TTC28: variants seen among roughly 807,000 people sequenced by gnomAD.
TTC28 encodes tetratricopeptide repeat domain 28, also known as tetratricopeptide repeat protein 28.
A neutral mutation model predicts 198.0 loss-of-function variants in TTC28; 61 were observed. That is an observed-to-expected ratio of 0.31 (90% CI 0.25 to 0.38). The LOEUF is 0.38. Among genes scored for constraint, TTC28 ranks in the 10% least tolerant of loss-of-function variants. The pLI, the probability that TTC28 is intolerant of heterozygous loss-of-function variation, is 1.00. For synonymous variants in TTC28, 1,171 were observed against 1,297.8 expected, an observed-to-expected ratio of 0.90 and a Z score of 2.10; for missense variants, 2,678 against 3,164.0, an observed-to-expected ratio of 0.85 and a Z score of 3.69.
chr22:28,151,600 AC>A (rs1601390580), intron 6 of TTC28, among the ~76,000 whole-genome samples: 3 of 152,216 alleles, frequency 2.0e-5, no homozygotes, highest in South Asian at 4.1e-4. Context: ...TGTATTAGGC[AC>A]CGATAGGTGT....
intron 5 of TTC28, among the ~76,000 whole-genome samples, chr22:28,165,201 A>G (rs1371752908): frequency 6.6e-6 from 1 of 152,252 alleles, no homozygotes; most frequent in Non-Finnish European, 1.5e-5. Context: ...TCTACATCTC[A>G]TTGGTGTACC....
intron 2 of TTC28, among the ~76,000 whole-genome samples, chr22:28,322,741 C>T (rs2045467836): frequency 6.6e-6 from 1 of 152,188 alleles, no homozygotes; most frequent in Non-Finnish European, 1.5e-5. Context: ...TAAAACAACA[C>T]ACATTTATTC....
chr22:28,120,856 A>T (rs1942765064), intron 6 of TTC28, among the ~76,000 whole-genome samples: 1 of 151,576 alleles, frequency 6.6e-6, no homozygotes, highest in Admixed American at 6.6e-5. Flanking sequence ...CCTTTTAAAA[A>T]TTCACACTGG....
intron 13 of TTC28, among the ~76,000 whole-genome samples, chr22:28,018,304 C>T (rs1307335490): frequency 7.7e-3 from 71 of 9,230 alleles, no homozygotes; most frequent in East Asian, 0.029. Flanking sequence ...TGTGTGCGCG[C>T]GCGGGGGGGG....
intron 5 of TTC28, among the ~76,000 whole-genome samples, chr22:28,257,778 A>ATATATC (rs1931048960): frequency 7.6e-6 from 1 of 130,992 alleles, no homozygotes; most frequent in Non-Finnish European, 1.6e-5. Context: ...ATATATATAT[A>ATATATC]TATCTTCTAC....
chr22:28,335,827 T>C (rs1013651129), intron 2 of TTC28, among the ~76,000 whole-genome samples: 2 of 152,216 alleles, frequency 1.3e-5, no homozygotes, highest in African/African-American at 4.8e-5. Flanking sequence ...GAATAACATT[T>C]ATTTTCTTCT....
intron 2 of TTC28, among the ~76,000 whole-genome samples, chr22:28,368,760 C>A (rs1414233706): frequency 6.6e-6 from 1 of 151,816 alleles, no homozygotes; most frequent in Non-Finnish European, 1.5e-5. Flanking sequence ...AACAAGCAAT[C>A]TGAAAAAGAA....
intron 2 of TTC28, among the ~76,000 whole-genome samples, chr22:28,445,147 T>C (rs1472040623): frequency 2.0e-5 from 3 of 152,314 alleles, no homozygotes; most frequent in African/African-American, 7.2e-5. Context: ...TCCTCTCTTT[T>C]TTCTTAGACA....
intron 2 of TTC28, among the ~76,000 whole-genome samples, chr22:28,546,750 T>C (rs2049551008): frequency 6.6e-6 from 1 of 152,090 alleles, no homozygotes; most frequent in African/African-American, 2.4e-5. Context: ...ATAAATAAAT[T>C]GTAATATATC....
chr22:28,345,184 A>T (rs2045886023), intron 2 of TTC28, among the ~76,000 whole-genome samples: 1 of 152,160 alleles, frequency 6.6e-6, no homozygotes, highest in Non-Finnish European at 1.5e-5. Context: ...AATATCATAG[A>T]AACTGAAATT....
intron 2 of TTC28, among the ~76,000 whole-genome samples, chr22:28,319,547 T>C (rs1290560293): frequency 6.6e-6 from 1 of 152,196 alleles, no homozygotes; most frequent in Non-Finnish European, 1.5e-5. Flanking sequence ...GTGTGGGATG[T>C]CAATAATGGG....
chr22:28,004,701 G>A (rs894927744), intron 14 of TTC28, among the ~76,000 whole-genome samples: 3 of 152,206 alleles, frequency 2.0e-5, no homozygotes, highest in Non-Finnish European at 2.9e-5. Context: ...GACAGCTGCC[G>A]TTCAAAGGGG....
At chr22:28,310,616 G>A (rs2045239105) in intron 2 of TTC28, among the ~76,000 whole-genome samples, 2 of 151,948 alleles carry the variant, frequency 1.3e-5, no homozygotes, top group South Asian at 4.1e-4. Flanking sequence ...AAACTACCAT[G>A]TTCACAGGTA....
intron 10 of TTC28, among the ~76,000 whole-genome samples, chr22:28,097,337 A>G (rs1349530943): frequency 6.6e-6 from 1 of 152,210 alleles, no homozygotes; most frequent in African/African-American, 2.4e-5. Context: ...ACATCACTAC[A>G]TGTATAACAG....
intron 2 of TTC28, among the ~76,000 whole-genome samples, chr22:28,311,620 T>C (rs2045258244): frequency 6.6e-6 from 1 of 152,050 alleles, no homozygotes; most frequent in South Asian, 2.1e-4. Context: ...GTAAATGGGG[T>C]ATCCATCACC....
At chr22:28,354,084 G>C (rs555100585) in intron 2 of TTC28, among the ~76,000 whole-genome samples, 1 of 152,320 alleles carries the variant, frequency 6.6e-6, no homozygotes, top group East Asian at 1.9e-4. Flanking sequence ...CCACACGTAG[G>C]AATGGAAAGT....
chr22:28,017,903 G>C (rs1455389608), intron 13 of TTC28, among the ~76,000 whole-genome samples: 1 of 152,064 alleles, frequency 6.6e-6, no homozygotes, highest in African/African-American at 2.4e-5. Flanking sequence ...GGGCACCCAA[G>C]CTCCAATGAA....
chr22:28,365,592 C>T (rs1027937260), intron 2 of TTC28, among the ~76,000 whole-genome samples: 9 of 152,150 alleles, frequency 5.9e-5, no homozygotes, highest in African/African-American at 9.7e-5. Flanking sequence ...CTCAGGGCCC[C>T]GGTTTAGAGG....
At chr22:28,200,043 ATTGT>A (rs1477393317) in intron 5 of TTC28, among the ~76,000 whole-genome samples, 5 of 152,166 alleles carry the variant, frequency 3.3e-5, no homozygotes, top group South Asian at 4.1e-4. Context: ...ATAAATATGT[ATTGT>A]TTAAGAAAAT....
Sources: gnomAD v4.1 joint callset for allele counts (sites outside exome capture counted in the v4.1 genomes callset) on GRCh38, gnomAD v4.1.1 for gene constraint, MANE v1.5 for transcripts, NCBI Gene and HGNC (gene_info 2026-07-23, HGNC 2026-07-21) for gene names.